The following GFOD1 variants were observed in gnomAD, a reference collection of about 807,000 sequenced individuals.
The protein encoded by GFOD1 is Gfo/Idh/MocA-like oxidoreductase domain containing 1.
In GFOD1, 9 loss-of-function variants were observed where a neutral mutation model predicts 25.4. The ratio of observed to expected loss-of-function variants is 0.35; its 90% CI spans 0.21 to 0.62. The LOEUF (loss-of-function observed/expected upper bound fraction) is 0.62, where lower values mean the gene tolerates loss of function less well. GFOD1 is among the 20% of genes least tolerant of loss of function. GFOD1 has a pLI of 0.72. For missense variants in GFOD1, 403 were observed against 556.9 expected (o/e 0.72, Z 2.78); for synonymous variants, 253 against 245.6 (o/e 1.03, Z -0.28).
intron 1 of GFOD1, among the ~76,000 whole-genome samples, chr6:13,427,189 C>T (rs1187893121): frequency 6.6e-6 from 1 of 152,052 alleles, no homozygotes; most frequent in East Asian, 1.9e-4. Flanking sequence ...CAGAGTCTTC[C>T]CAAAACTGAA....
intron 1 of GFOD1, among the ~76,000 whole-genome samples, chr6:13,465,370 C>T (rs903171028): frequency 1.3e-5 from 2 of 152,154 alleles, no homozygotes; most frequent in Admixed American, 6.5e-5. Flanking sequence ...AATCTTGTTG[C>T]TCAAAGCTTG....
At chr6:13,368,609 AT>A (rs1785092148) in intron 1 of GFOD1, among the ~76,000 whole-genome samples, 1 of 152,130 alleles carries the variant, frequency 6.6e-6, no homozygotes, top group South Asian at 2.1e-4. Context: ...ACTACACCCT[AT>A]TTCAAGGTCC....
intron 1 of GFOD1, among the ~76,000 whole-genome samples, chr6:13,408,359 T>C (rs1785984609): frequency 6.6e-6 from 1 of 152,228 alleles, no homozygotes; most frequent in Non-Finnish European, 1.5e-5. Flanking sequence ...TTCCTCCTTA[T>C]GGTTTCCAGT....
intron 1 of GFOD1, among the ~76,000 whole-genome samples, chr6:13,414,087 T>A (rs954168332): frequency 6.6e-6 from 1 of 152,234 alleles, no homozygotes; most frequent in African/African-American, 2.4e-5. Flanking sequence ...AGCAGGTTTT[T>A]ATCTACTATT....
chr6:13,438,713 G>T (rs1368978398), intron 1 of GFOD1, among the ~76,000 whole-genome samples: 2 of 151,994 alleles, frequency 1.3e-5, no homozygotes, highest in Non-Finnish European at 2.9e-5. Flanking sequence ...AGAAACCAAG[G>T]TTCAGTGACG....
intron 1 of GFOD1, among the ~76,000 whole-genome samples, chr6:13,376,442 A>C (rs1249479623): frequency 6.6e-6 from 1 of 152,166 alleles, no homozygotes; most frequent in Non-Finnish European, 1.5e-5. Flanking sequence ...ACGCTTGGAC[A>C]AGCCAGGATT....
rs148284020 is a variant in GFOD1 at position 13,486,848 on chromosome 6, G to C, written c.43C>G (p.Arg15Gly). The C allele has an allele frequency of 5.0e-6, 8 of 1,612,878 alleles. No homozygotes were observed. Among genetic ancestry groups the C allele is most frequent in the African/African-American group, 4.0e-5 (3 of 74,934 alleles). Residue 15 changes from arginine to glycine, a missense_variant, in exon 1 of 2, where the codon CGT becomes GGT. Arg to Gly is a moderately radical substitution (Grantham distance 125). Transcript: ENST00000379287. ...VGVFGTSLTA[R>G]VIIPLLKDEG... The stretch of plus-strand genomic sequence containing the variant: ...TCTTTCAGCAGCGGGATGATGACAC[G>C]GGCCGTGAGGCTGGTGCCGAACACG...
chr6:13,453,408 GT>G (rs1294609638), intron 1 of GFOD1, among the ~76,000 whole-genome samples: 1 of 152,204 alleles, frequency 6.6e-6, no homozygotes, highest in Non-Finnish European at 1.5e-5. Context: ...TTGAATAAAT[GT>G]TTATCAAATG....
At chr6:13,374,275 G>T (rs559592532) in intron 1 of GFOD1, among the ~76,000 whole-genome samples, 2,492 of 130,618 alleles carry the variant, frequency 0.019, 21 homozygotes, top group African/African-American at 0.035. Context: ...TTTTTTTTTT[G>T]TGTGTGTGTG....
At chr6:13,372,871 T>C (rs913748755) in intron 1 of GFOD1, among the ~76,000 whole-genome samples, 4 of 152,204 alleles carry the variant, frequency 2.6e-5, no homozygotes, top group African/African-American at 9.7e-5. Context: ...TCCACTTGTG[T>C]TGACAGCCCC....
At chr6:13,472,702 A>C (rs1367563597) in intron 1 of GFOD1, among the ~76,000 whole-genome samples, 1 of 152,188 alleles carries the variant, frequency 6.6e-6, no homozygotes, top group Non-Finnish European at 1.5e-5. Context: ...TTTTCCATTG[A>C]CCAAAAAAAG....
At chr6:13,399,647 A>C (rs1785804358) in intron 1 of GFOD1, among the ~76,000 whole-genome samples, 1 of 152,218 alleles carries the variant, frequency 6.6e-6, no homozygotes, top group Non-Finnish European at 1.5e-5. Flanking sequence ...CAGACATTCT[A>C]TTTATCTGCA....
At chr6:13,391,494 T>C (rs1283736799) in intron 1 of GFOD1, among the ~76,000 whole-genome samples, 2 of 89,670 alleles carry the variant, frequency 2.2e-5, no homozygotes, top group Non-Finnish European at 4.2e-5. Flanking sequence ...CGAGACTCCA[T>C]CTCAAAAACA....
At chr6:13,409,276 G>C (rs1786023896) in intron 1 of GFOD1, among the ~76,000 whole-genome samples, 1 of 132,958 alleles carries the variant, frequency 7.5e-6, no homozygotes, top group African/African-American at 2.6e-5. Flanking sequence ...GGGAAAGATA[G>C]AGAGACAGAG....
At chr6:13,451,540 C>T (rs144643147) in intron 1 of GFOD1, among the ~76,000 whole-genome samples, 9 of 152,236 alleles carry the variant, frequency 5.9e-5, no homozygotes, top group Non-Finnish European at 1.2e-4. Flanking sequence ...CAAAGCCCTC[C>T]GAGTAGCTGT....
chr6:13,369,891 C>A (rs1785115572), intron 1 of GFOD1, among the ~76,000 whole-genome samples: 2 of 151,866 alleles, frequency 1.3e-5, no homozygotes, highest in South Asian at 4.2e-4. Flanking sequence ...AAAAGAAAAA[C>A]CCTAGGAGGT....
At chr6:13,433,442 G>C (rs1406228243) in intron 1 of GFOD1, among the ~76,000 whole-genome samples, 1 of 152,092 alleles carries the variant, frequency 6.6e-6, no homozygotes, top group African/African-American at 2.4e-5. Context: ...TTGTTGTAGG[G>C]AGCTGACTGT....
chr6:13,420,175 C>A (rs16874132), intron 1 of GFOD1, among the ~76,000 whole-genome samples: 9,470 of 152,242 alleles, frequency 0.062, 368 homozygotes, highest in Middle Eastern at 0.12. Context: ...CACAGTTTCT[C>A]GTGGAAAACC....
chr6:13,385,978 C>T (rs933070886), intron 1 of GFOD1, among the ~76,000 whole-genome samples: 1 of 152,094 alleles, frequency 6.6e-6, no homozygotes, highest in Admixed American at 6.5e-5. Context: ...TCCGTCTTTC[C>T]CTCAATCACC....
Sources: allele counts gnomAD v4.1 joint callset (sites outside exome capture counted in the v4.1 genomes callset), GRCh38; gene constraint gnomAD v4.1.1; transcripts MANE v1.5; gene names NCBI Gene and HGNC (gene_info 2026-07-23, HGNC 2026-07-21).